The following KIAA1217 variants were observed in gnomAD, a reference collection of about 807,000 sequenced individuals.
KIAA1217 encodes KIAA1217.
A neutral mutation model predicts 163.9 loss-of-function variants in KIAA1217; 88 were observed. The observed-to-expected ratio is 0.54, with a 90% confidence interval of 0.45 to 0.64. The LOEUF (loss-of-function observed/expected upper bound fraction) is 0.64. KIAA1217 is among the 30% of genes least tolerant of loss of function. KIAA1217 has a pLI of 0.00. For missense variants in KIAA1217, 2,372 were observed against 2,475.0 expected (o/e 0.96, Z 0.88); for synonymous variants, 903 against 923.1 (o/e 0.98, Z 0.39).
intron 1 of KIAA1217, among the ~76,000 whole-genome samples, chr10:23,905,716 T>G (rs901623625): frequency 6.6e-6 from 1 of 152,106 alleles, no homozygotes; most frequent in Non-Finnish European, 1.5e-5. Context: ...AGTTGAGGAC[T>G]ATATCATTCA....
rs143933168 is a variant in KIAA1217 at position 24,009,399 on chromosome 10, C to G, written c.-171+2025C>G. Among the ~76,000 whole-genome samples the G allele has an allele frequency of 9.1e-3, 1,382 of 151,520 alleles. 28 individuals are homozygous for G. The highest frequency in any genetic ancestry group is 0.031 in the African/African-American group (1,280 of 41,272). ...GACAGGGATTTTTTTTTTTAAAGCCCAAACTAGATAATGTATTTGAAAAAC... is the reference window on the plus strand; with the variant it reads ...GACAGGGATTTTTTTTTTTAAAGCCGAAACTAGATAATGTATTTGAAAAAC... On this transcript the variant is annotated intron_variant, in intron 2 of 18. Coordinates refer to the KIAA1217 transcript ENST00000376462.
intron 2 of KIAA1217, among the ~76,000 whole-genome samples, chr10:24,366,224 C>G (rs1487330712): frequency 1.3e-5 from 2 of 152,110 alleles, no homozygotes; most frequent in African/African-American, 4.8e-5. Context: ...GCAGGCAGAT[C>G]ACTTGAGGTT....
chr10:24,055,335 T>A (rs989042637), intron 2 of KIAA1217, among the ~76,000 whole-genome samples: 7 of 152,182 alleles, frequency 4.6e-5, no homozygotes, highest in African/African-American at 1.7e-4. Context: ...TATAATCTAG[T>A]CTATAATGTC....
intron 5 of KIAA1217, among the ~76,000 whole-genome samples, chr10:24,459,415 A>G (rs1320473753): frequency 2.0e-5 from 3 of 152,154 alleles, no homozygotes; most frequent in Non-Finnish European, 2.9e-5. Context: ...GCTTTCTCAT[A>G]TTTTAATGTT....
chr10:23,873,904 A>T, intron 1 of KIAA1217, among the ~76,000 whole-genome samples: 1 of 152,048 alleles, frequency 6.6e-6, no homozygotes, highest in South Asian at 2.1e-4. Flanking sequence ...TGGATTCTTC[A>T]TTGTTTCATC....
At chr10:24,358,358 G>T (rs1321063161) in intron 2 of KIAA1217, among the ~76,000 whole-genome samples, 2 of 152,150 alleles carry the variant, frequency 1.3e-5, no homozygotes, top group South Asian at 4.1e-4. Context: ...GACGACCTGG[G>T]TCAACTCTTC....
chr10:24,392,710 G>A (rs948986848), intron 3 of KIAA1217, among the ~76,000 whole-genome samples: 2 of 152,104 alleles, frequency 1.3e-5, no homozygotes, highest in Admixed American at 6.6e-5. Context: ...CACTTTCCCC[G>A]GGAATGACAT....
At chr10:23,822,624 T>C (rs1409473033) in intron 1 of KIAA1217, among the ~76,000 whole-genome samples, 3 of 152,220 alleles carry the variant, frequency 2.0e-5, no homozygotes, top group African/African-American at 7.2e-5. Context: ...AAACCTCTCG[T>C]TCCATTTGTC....
At chr10:24,544,668 A>T (rs1338002254) in intron 19 of KIAA1217, among the ~76,000 whole-genome samples, 187 bp downstream of exon 19, 2 of 151,726 alleles carry the variant, frequency 1.3e-5, no homozygotes, top group African/African-American at 4.8e-5. Flanking sequence ...ACAACTAGGT[A>T]TCTAACAGCT....
chr10:24,511,020 G>T (rs993449060), intron 9 of KIAA1217, among the ~76,000 whole-genome samples: 1 of 152,062 alleles, frequency 6.6e-6, no homozygotes, highest in Middle Eastern at 3.4e-3. Context: ...TTAACCAGGT[G>T]GAGGGAAGAG....
chr10:23,997,983 CTT>C (rs75499779), intron 1 of KIAA1217, among the ~76,000 whole-genome samples: 16 of 147,126 alleles, frequency 1.1e-4, no homozygotes, highest in East Asian at 4.0e-4. Context: ...AGGGGGCTTT[CTT>C]TTTTTTTTTC....
chr10:23,931,150 G>T (rs1843236989), intron 1 of KIAA1217, among the ~76,000 whole-genome samples: 1 of 151,892 alleles, frequency 6.6e-6, no homozygotes, highest in Non-Finnish European at 1.5e-5. Context: ...GCATTTATTG[G>T]GTTCTTCCTA....
In KIAA1217 at chr10:24,409,200, A is replaced by G. The variant is rs2057519333; in HGVS notation, c.554-23795A>G. 3.9e-5 allele frequency among the ~76,000 whole-genome samples: 6 copies of G among 152,292 alleles called. No homozygotes were observed. In the South Asian group the frequency reaches 1.2e-3, roughly 32 times the overall value. On this transcript the variant is annotated intron_variant, in intron 3 of 20. Coordinates refer to ENST00000376454, the MANE Select transcript of KIAA1217 (RefSeq NM_019590.5). The stretch of plus-strand genomic sequence containing the variant: ...CAAAGGGGCTTCCATTTTTTCCAAA[A>G]CCAAGTACCCTGACACCACTTTACT...
intron 3 of KIAA1217, among the ~76,000 whole-genome samples, chr10:24,391,013 T>C (rs928489670): frequency 1.3e-5 from 2 of 152,200 alleles, no homozygotes; most frequent in Non-Finnish European, 2.9e-5. Flanking sequence ...AGGAATCTCT[T>C]GTGATTAAAA....
intron 1 of KIAA1217, among the ~76,000 whole-genome samples, chr10:23,913,887 C>T (rs1236714689): frequency 2.6e-5 from 4 of 152,170 alleles, no homozygotes; most frequent in African/African-American, 9.7e-5. Context: ...TGTCCTCACA[C>T]AGGGAAGGCA....
At chr10:24,144,218 T>TTTTAAA (rs2064207120) in intron 2 of KIAA1217, among the ~76,000 whole-genome samples, 1 of 152,262 alleles carries the variant, frequency 6.6e-6, no homozygotes, top group Non-Finnish European at 1.5e-5. Context: ...ACCTTCTCCA[T>TTTTAAA]GTGTGAATCT....
intron 1 of KIAA1217, among the ~76,000 whole-genome samples, chr10:23,980,672 A>C (rs935612343): frequency 1.3e-4 from 19 of 151,936 alleles, no homozygotes; most frequent in African/African-American, 4.6e-4. Context: ...TGCCTTCTAA[A>C]CCCCTCACAT....
chr10:23,844,844 C>T (rs1174314167), intron 1 of KIAA1217, among the ~76,000 whole-genome samples: 5 of 151,988 alleles, frequency 3.3e-5, no homozygotes, highest in African/African-American at 7.2e-5. Flanking sequence ...CACCCATCAA[C>T]CCATCATTTA....
At chr10:24,415,483 C>T (rs2058166987) in intron 3 of KIAA1217, among the ~76,000 whole-genome samples, 1 of 151,478 alleles carries the variant, frequency 6.6e-6, no homozygotes, top group Admixed American at 6.6e-5. Context: ...CCCACTTGCT[C>T]TTGGGGAAAA....
Sources: allele counts gnomAD v4.1 joint callset (sites outside exome capture counted in the v4.1 genomes callset), GRCh38; gene constraint gnomAD v4.1.1; transcripts MANE v1.5; gene names NCBI Gene and HGNC (gene_info 2026-07-23, HGNC 2026-07-21).